Variants in GAB1 observed in about 807,000 individuals in gnomAD.
GAB1 encodes GRB2-associated-binding protein 1.
In GAB1, 19 loss-of-function variants were observed where a neutral mutation model predicts 66.5. That is an observed-to-expected ratio of 0.29 (90% CI 0.20 to 0.42). GAB1 has a LOEUF of 0.42. GAB1 is among the 10% of genes least tolerant of loss of function. The pLI is 1.00. For missense variants in GAB1, 732 were observed against 858.5 expected, an observed-to-expected ratio of 0.85 and a Z score of 1.84; for synonymous variants, 294 against 301.4, an observed-to-expected ratio of 0.98 and a Z score of 0.25.
chr4:143,373,857 G>GCAAA (rs1730270674), intron 1 of GAB1, among the ~76,000 whole-genome samples: 1 of 53,834 alleles, frequency 1.9e-5, no homozygotes, highest in African/African-American at 1.1e-4. Flanking sequence ...CTCTCTCTCT[G>GCAAA]TAAATAAATA....
intron 1 of GAB1, among the ~76,000 whole-genome samples, chr4:143,365,066 A>T (rs1055249334): frequency 1.3e-5 from 2 of 150,860 alleles, no homozygotes; most frequent in South Asian, 2.1e-4. Context: ...TTTAGTAGAG[A>T]CGGGGTTTCA....
At chr4:143,421,442 A>G (rs556917969) in intron 2 of GAB1, among the ~76,000 whole-genome samples, 55 of 152,250 alleles carry the variant, frequency 3.6e-4, no homozygotes, top group African/African-American at 1.3e-3. Context: ...GTTACAGTAC[A>G]GACGTATATT....
chr4:143,349,078 T>A (rs1441330709), intron 1 of GAB1, among the ~76,000 whole-genome samples: 1 of 152,234 alleles, frequency 6.6e-6, no homozygotes, highest in Admixed American at 6.5e-5. Flanking sequence ...TGATATTTGC[T>A]TGTTTACTTG....
rs1734140432 is a variant in GAB1 at position 143,440,064 on chromosome 4, A to C, written c.1282-15A>C. The C allele has an allele frequency of 5.6e-6, 9 of 1,603,380 alleles. No homozygotes were observed. Among genetic ancestry groups the C allele is most frequent in the African/African-American group, 2.7e-5 (2 of 74,476 alleles). ...AGAGTTTTTGTTTATTAAAAGAAAT[A>C]TATATGTGTTTTAGAAAGTCAAAAA... is the stretch of plus-strand genomic sequence containing the variant. On this transcript the variant is annotated splice_polypyrimidine_tract_variant and intron_variant, in intron 5 of 9. Transcript: ENST00000262994.
chr4:143,377,338 C>G (rs1730463571), intron 1 of GAB1, among the ~76,000 whole-genome samples: 1 of 152,046 alleles, frequency 6.6e-6, no homozygotes, highest in African/African-American at 2.4e-5. Context: ...TGGAAGCTGG[C>G]TTTTGTTGGG....
intron 1 of GAB1, chr4:143,380,474 A>T (rs2149675534): frequency 6.6e-6 from 1 of 152,288 alleles, no homozygotes; most frequent in South Asian, 2.1e-4. Flanking sequence ...ATATATTCCC[A>T]TAGTTCTGCC....
At chr4:143,382,525 A>C (rs1272449365) in intron 1 of GAB1, among the ~76,000 whole-genome samples, 1 of 152,168 alleles carries the variant, frequency 6.6e-6, no homozygotes, top group Non-Finnish European at 1.5e-5. Context: ...TTTATCAGAC[A>C]TTTTCCTGAA....
intron 2 of GAB1, among the ~76,000 whole-genome samples, chr4:143,432,214 G>T (rs1233085109): frequency 1.3e-5 from 2 of 152,212 alleles, no homozygotes; most frequent in Non-Finnish European, 2.9e-5. Context: ...TGATCCCTGG[G>T]AGTGACGGGA....
rs770673770 is a variant in GAB1 at position 143,459,378 on chromosome 4, T to C, written c.1586-7T>C. On this transcript the variant is annotated splice_region_variant and splice_polypyrimidine_tract_variant and intron_variant, in intron 6 of 9. Transcript: ENST00000262994. ...CTAAAAATCTCTTTTTCTCTTTTTC[T>C]TTTCAGTCAAGCCAGCGCCTTTAGA... 2.5e-6 allele frequency: 4 copies of C among 1,570,148 alleles called. No individual in the cohort carries two copies. The highest frequency in any genetic ancestry group is 3.5e-6 in the Non-Finnish European group (4 of 1,141,300).
intron 6 of GAB1, among the ~76,000 whole-genome samples, chr4:143,445,123 A>G (rs111457119): frequency 0.036 from 5,411 of 152,246 alleles, 325 homozygotes; most frequent in African/African-American, 0.12. Flanking sequence ...TGGAATTGCT[A>G]GGTTTAATGG....
intron 1 of GAB1, among the ~76,000 whole-genome samples, chr4:143,410,261 A>G (rs760526986): frequency 2.6e-5 from 4 of 152,230 alleles, no homozygotes; most frequent in Non-Finnish European, 5.9e-5. Flanking sequence ...GCTGTCATTT[A>G]TACCACAGAG....
At chr4:143,387,552 A>T (rs1301763270) in intron 1 of GAB1, among the ~76,000 whole-genome samples, 1 of 152,180 alleles carries the variant, frequency 6.6e-6, no homozygotes, top group Non-Finnish European at 1.5e-5. Context: ...TCCATCTTTA[A>T]AGTGGAGCAT....
intron 1 of GAB1, among the ~76,000 whole-genome samples, chr4:143,415,183 T>C (rs1265120717): frequency 6.6e-6 from 1 of 152,256 alleles, no homozygotes; most frequent in Non-Finnish European, 1.5e-5. Flanking sequence ...ACCATGACTT[T>C]TTCATATTTA....
chr4:143,355,443 A>ACAG (rs1202612007), intron 1 of GAB1, among the ~76,000 whole-genome samples: 7 of 151,646 alleles, frequency 4.6e-5, no homozygotes, highest in Admixed American at 2.6e-4. Flanking sequence ...AACAACAACA[A>ACAG]CAACAACACA....
At chr4:143,455,879 A>G (rs1407354904) in intron 6 of GAB1, among the ~76,000 whole-genome samples, 3 of 152,168 alleles carry the variant, frequency 2.0e-5, no homozygotes, top group Non-Finnish European at 2.9e-5. Flanking sequence ...AAGATTCTCT[A>G]TATCCCTAAA....
chr4:143,456,301 CAA>C (rs988928488), intron 6 of GAB1, among the ~76,000 whole-genome samples: 3 of 151,984 alleles, frequency 2.0e-5, no homozygotes, highest in African/African-American at 7.2e-5. Flanking sequence ...ACTAAAAATA[CAA>C]AAAATTAGCC....
intron 1 of GAB1, chr4:143,380,518 A>C (rs1730613527): frequency 6.6e-6 from 1 of 152,240 alleles, no homozygotes; most frequent in Admixed American, 6.5e-5. Context: ...GAAAATTCAA[A>C]GACTTAGAAA....
chr4:143,397,847 T>A (rs777148517), intron 1 of GAB1, among the ~76,000 whole-genome samples: 2 of 152,208 alleles, frequency 1.3e-5, no homozygotes, highest in African/African-American at 2.4e-5. Context: ...AATGGAGATA[T>A]GAGCAATGGC....
intron 6 of GAB1, 91 bp from the exon 7 acceptor site, chr4:143,459,294 A>C (rs1276591036): frequency 1.3e-6 from 1 of 773,676 alleles, no homozygotes; most frequent in Admixed American, 2.1e-5. Flanking sequence ...TACTCTGGCT[A>C]TCAAATATAA....
Sources: gnomAD v4.1 joint callset for allele counts (sites outside exome capture counted in the v4.1 genomes callset) on GRCh38, gnomAD v4.1.1 for gene constraint, MANE v1.5 for transcripts, NCBI Gene and HGNC (gene_info 2026-07-23, HGNC 2026-07-21) for gene names.